PEX5L: variants seen among roughly 807,000 people sequenced by gnomAD.
PEX5L encodes the protein PEX5-related protein.
In PEX5L, 30 loss-of-function variants were observed where a neutral mutation model predicts 84.0. The ratio of observed to expected loss-of-function variants is 0.36; its 90% CI spans 0.27 to 0.48. PEX5L has a LOEUF of 0.48. Among genes scored for constraint, PEX5L ranks in the 20% least tolerant of loss-of-function variants. The pLI is 0.99. For missense variants in PEX5L, 533 were observed against 754.6 expected, an observed-to-expected ratio of 0.71 and a Z score of 3.44; for synonymous variants, 270 against 283.1, an observed-to-expected ratio of 0.95 and a Z score of 0.46.
chr3:179,880,013 C>G lies in PEX5L; in HGVS notation c.421G>C (p.Ala141Pro). The change falls in exon 5 of 15, where the codon GCC becomes CCC. Residue 141 changes from alanine (A) to proline (P), a missense_variant. Coordinates refer to ENST00000467460, the MANE Select transcript of PEX5L (RefSeq NM_016559.3). ...GTGCTGATGAGGTCAGATCCATCGG[C>G]CTTTTTCTTGAGGGATGAGGTTTTT... ...SSKTSSLKKK[A>P]DGSDLISTDA... 1 of 1,614,050 alleles carries G rather than the reference C, an allele frequency of 6.2e-7. No individual in the cohort carries two copies. The highest frequency in any genetic ancestry group is 1.1e-5 in the South Asian group (1 of 91,084).
At chr3:180,033,236 T>C (rs1000674276) in intron 1 of PEX5L, among the ~76,000 whole-genome samples, 1 of 152,234 alleles carries the variant, frequency 6.6e-6, no homozygotes, top group Non-Finnish European at 1.5e-5. Flanking sequence ...ATTTTTGTCA[T>C]TTAAATTTTC....
chr3:179,999,632 CACTT>C (rs1788208023), intron 1 of PEX5L, among the ~76,000 whole-genome samples: 1 of 152,186 alleles, frequency 6.6e-6, no homozygotes, highest in South Asian at 2.1e-4. Flanking sequence ...CTGGAATAGA[CACTT>C]ACTCTGGATA....
At chr3:180,014,915 T>G (rs1165081426) in intron 1 of PEX5L, among the ~76,000 whole-genome samples, 1 of 152,250 alleles carries the variant, frequency 6.6e-6, no homozygotes, top group African/African-American at 2.4e-5. Flanking sequence ...TACCATAAGA[T>G]GCTTGCTACA....
At chr3:179,987,254 T>C (rs1043767101) in intron 1 of PEX5L, among the ~76,000 whole-genome samples, 3 of 149,862 alleles carry the variant, frequency 2.0e-5, no homozygotes, top group Non-Finnish European at 4.4e-5. Flanking sequence ...TTCCCTCCCT[T>C]CCTTCCTTCC....
intron 1 of PEX5L, among the ~76,000 whole-genome samples, chr3:180,000,632 C>T (rs1402788804): frequency 6.6e-6 from 1 of 151,390 alleles, no homozygotes. Flanking sequence ...GACATATTTC[C>T]TCCTTCTTTT....
At chr3:179,901,479 T>G (rs940346376) in intron 2 of PEX5L, among the ~76,000 whole-genome samples, 2 of 152,238 alleles carry the variant, frequency 1.3e-5, no homozygotes, top group African/African-American at 4.8e-5. Context: ...TAAGTCTATA[T>G]GCTTCTATGC....
At chr3:179,912,845 A>C (rs769341097) in intron 2 of PEX5L, among the ~76,000 whole-genome samples, 3 of 152,114 alleles carry the variant, frequency 2.0e-5, no homozygotes, top group Non-Finnish European at 4.4e-5. Context: ...AAAGGATTCT[A>C]AAGATTCCAA....
At chr3:179,954,569 A>G (rs1198932802) in intron 2 of PEX5L, among the ~76,000 whole-genome samples, 1 of 152,026 alleles carries the variant, frequency 6.6e-6, no homozygotes, top group African/African-American at 2.4e-5. Context: ...TTAAACTCCT[A>G]GTGGGTACTA....
chr3:179,987,264 C>T (rs1786939134), intron 1 of PEX5L, among the ~76,000 whole-genome samples: 1 of 150,416 alleles, frequency 6.6e-6, no homozygotes, highest in African/African-American at 2.5e-5. Flanking sequence ...TCCTTCCTTC[C>T]TTTCTTCCTT....
chr3:179,859,914 T>C (rs1279493770), intron 7 of PEX5L, among the ~76,000 whole-genome samples: 2 of 152,228 alleles, frequency 1.3e-5, no homozygotes, highest in Non-Finnish European at 2.9e-5. Context: ...TCACAAAAAT[T>C]GAATACTTAT....
At chr3:179,986,043 C>T (rs1042871803) in intron 1 of PEX5L, among the ~76,000 whole-genome samples, 1 of 151,972 alleles carries the variant, frequency 6.6e-6, no homozygotes, top group African/African-American at 2.4e-5. Flanking sequence ...GGAATATTAA[C>T]GGTATTGATC....
At chr3:179,830,555 G>A (rs998727030) in intron 8 of PEX5L, among the ~76,000 whole-genome samples, 5 of 152,116 alleles carry the variant, frequency 3.3e-5, no homozygotes, top group Admixed American at 6.5e-5. Flanking sequence ...ACAGCTATTC[G>A]TGCCTAATGT....
chr3:179,874,738 G>GTTTTTTTTT (rs3836472), intron 6 of PEX5L, among the ~76,000 whole-genome samples: 193 of 45,972 alleles, frequency 4.2e-3, no homozygotes, highest in African/African-American at 7.0e-3. Flanking sequence ...TTTTTTTTTT[G>GTTTTTTTTT]TTTTTTTTTT....
chr3:179,933,618 C>A lies in PEX5L; in HGVS notation c.94-35372G>T, dbSNP rs1230071279. 4.6e-5 allele frequency among the ~76,000 whole-genome samples: 7 copies of A among 152,172 alleles called. No individual in the cohort carries two copies. The East Asian group carries it at 1.3e-3, about 29-fold the overall frequency. ...TTTTAACTGTTCTGGGTAGTTACAT[C>A]AAAAATCTTTACTTTTCCTCTTCCT... On this transcript the variant is annotated intron_variant, in intron 2 of 14. Coordinates refer to ENST00000467460, the MANE Select transcript of PEX5L (RefSeq NM_016559.3).
chr3:179,997,066 T>C (rs1787950062), intron 1 of PEX5L, among the ~76,000 whole-genome samples: 1 of 152,128 alleles, frequency 6.6e-6, no homozygotes, highest in African/African-American at 2.4e-5. Flanking sequence ...CCCAGACCCC[T>C]TGAATGAAGG....
chr3:179,947,849 G>C (rs1778017044), intron 2 of PEX5L, among the ~76,000 whole-genome samples: 1 of 151,822 alleles, frequency 6.6e-6, no homozygotes, highest in Admixed American at 6.6e-5. Context: ...TGGGACTACA[G>C]GCACCCGCCA....
chr3:179,939,760 C>T (rs1036865199), intron 2 of PEX5L, among the ~76,000 whole-genome samples: 6 of 152,260 alleles, frequency 3.9e-5, no homozygotes, highest in Admixed American at 3.9e-4. Context: ...TCAGGCCCCC[C>T]CACTGAGTGA....
At chr3:179,894,963 T>C (rs1758764901) in intron 3 of PEX5L, among the ~76,000 whole-genome samples, 1 of 152,124 alleles carries the variant, frequency 6.6e-6, no homozygotes, top group South Asian at 2.1e-4. Flanking sequence ...AGAGAATACG[T>C]TTATTTCTAT....
intron 2 of PEX5L, among the ~76,000 whole-genome samples, chr3:179,940,174 G>C (rs531378458): frequency 6.6e-6 from 1 of 152,278 alleles, no homozygotes; most frequent in African/African-American, 2.4e-5. Context: ...TCAGACACAA[G>C]GAGCCTGGAC....
Sources: allele counts gnomAD v4.1 joint callset (sites outside exome capture counted in the v4.1 genomes callset), GRCh38; gene constraint gnomAD v4.1.1; transcripts MANE v1.5; gene names NCBI Gene and HGNC (gene_info 2026-07-23, HGNC 2026-07-21).